The following CTNNA2 variants were observed in gnomAD, a reference collection of about 807,000 sequenced individuals.
CTNNA2 encodes catenin alpha 2.
A neutral mutation model predicts 101.0 loss-of-function variants in CTNNA2; 42 were observed. The ratio of observed to expected loss-of-function variants is 0.42; its 90% CI spans 0.32 to 0.54. CTNNA2 has a LOEUF of 0.54. Among genes scored for constraint, CTNNA2 ranks in the 20% least tolerant of loss-of-function variants. CTNNA2 has a pLI of 0.14. For missense variants in CTNNA2, 871 were observed against 1,223.1 expected (o/e 0.71, Z 4.29); for synonymous variants, 450 against 456.4 (o/e 0.99, Z 0.18).
intron 7 of CTNNA2, among the ~76,000 whole-genome samples, chr2:80,163,326 C>T (rs541612576): frequency 1.4e-4 from 22 of 152,156 alleles, no homozygotes; most frequent in Middle Eastern, 3.4e-3. Flanking sequence ...TGATATATTG[C>T]TGGGACAGGA....
chr2:79,191,653 C>T (rs965850087), intron 1 of CTNNA2, among the ~76,000 whole-genome samples: 4 of 152,130 alleles, frequency 2.6e-5, no homozygotes, highest in African/African-American at 9.7e-5. Flanking sequence ...GGAAGCACAG[C>T]CTCTGGTAGA....
intron 7 of CTNNA2, among the ~76,000 whole-genome samples, chr2:79,993,393 T>C (rs1029179739): frequency 2.6e-5 from 4 of 152,174 alleles, no homozygotes; most frequent in Admixed American, 2.6e-4. Flanking sequence ...GCCACAGCTC[T>C]TGGCACATCT....
chr2:79,516,194 T>A (rs1671798375), intron 1 of CTNNA2, among the ~76,000 whole-genome samples: 1 of 152,218 alleles, frequency 6.6e-6, no homozygotes, highest in African/African-American at 2.4e-5. Context: ...ATTCATGGGC[T>A]TGCTTTAAAG....
chr2:79,480,337 C>A (rs536956960), intron 4 of CTNNA2, among the ~76,000 whole-genome samples: 1 of 152,244 alleles, frequency 6.6e-6, no homozygotes, highest in Non-Finnish European at 1.5e-5. Flanking sequence ...AGGGGTCAAA[C>A]AAACCATAAA....
At chr2:79,783,873 G>T (rs576204264) in intron 3 of CTNNA2, among the ~76,000 whole-genome samples, 4 of 152,256 alleles carry the variant, frequency 2.6e-5, no homozygotes, top group African/African-American at 9.6e-5. Flanking sequence ...AAACTCTTGA[G>T]ATATATATGG....
chr2:79,727,909 A>G (rs1686955763), intron 2 of CTNNA2, among the ~76,000 whole-genome samples: 2 of 151,914 alleles, frequency 1.3e-5, no homozygotes, highest in South Asian at 4.2e-4. Flanking sequence ...ACATGAACTC[A>G]TCATTTTTTA....
chr2:80,263,567 C>T (rs963364011), intron 7 of CTNNA2, among the ~76,000 whole-genome samples: 4 of 152,188 alleles, frequency 2.6e-5, no homozygotes, highest in Admixed American at 1.3e-4. Flanking sequence ...AACTCCTAAC[C>T]TCAAGTGATC....
chr2:80,093,935 T>A (rs1319346058), intron 7 of CTNNA2, among the ~76,000 whole-genome samples: 3 of 151,946 alleles, frequency 2.0e-5, no homozygotes, highest in Admixed American at 6.6e-5. Context: ...GTTGCAAAAA[T>A]TTTCTCCCAT....
At chr2:79,497,882 C>T (rs1050546998) in intron 4 of CTNNA2, among the ~76,000 whole-genome samples, 1 of 152,272 alleles carries the variant, frequency 6.6e-6, no homozygotes, top group Middle Eastern at 3.4e-3. Flanking sequence ...AACCCGCTTC[C>T]AATTTCTTTG....
intron 1 of CTNNA2, among the ~76,000 whole-genome samples, chr2:79,611,429 AAGAG>A (rs1010285245): frequency 3.3e-5 from 5 of 152,156 alleles, no homozygotes; most frequent in Non-Finnish European, 5.9e-5. Context: ...TACAATGAAA[AAGAG>A]AGACACAGTT....
intron 7 of CTNNA2, among the ~76,000 whole-genome samples, chr2:80,036,212 G>A (rs1359788785): frequency 6.6e-6 from 1 of 152,172 alleles, no homozygotes; most frequent in Admixed American, 6.5e-5. Context: ...TGAAATTAAT[G>A]CAGACCCAGA....
intron 7 of CTNNA2, among the ~76,000 whole-genome samples, chr2:79,952,509 A>G (rs1688956533): frequency 6.6e-6 from 1 of 152,248 alleles, no homozygotes; most frequent in African/African-American, 2.4e-5. Flanking sequence ...ATTTCATGTC[A>G]TATAAATTAC....
chr2:80,552,326 G>A (rs1692635200), intron 11 of CTNNA2, among the ~76,000 whole-genome samples: 1 of 151,960 alleles, frequency 6.6e-6, no homozygotes, highest in African/African-American at 2.4e-5. Context: ...TTTGTATTTG[G>A]GGGGGAAGAA....
intron 7 of CTNNA2, among the ~76,000 whole-genome samples, chr2:79,933,971 G>A (rs17018149): frequency 0.2 from 30,253 of 152,152 alleles, 3,302 homozygotes; most frequent in East Asian, 0.27. Context: ...GAAGTTCCAT[G>A]AGGTAATAGA....
At chr2:80,032,875 G>A (rs992689746) in intron 7 of CTNNA2, among the ~76,000 whole-genome samples, 1 of 151,972 alleles carries the variant, frequency 6.6e-6, no homozygotes, top group Admixed American at 6.6e-5. Context: ...GATAACGACC[G>A]GGCGCAGTGG....
At position 80,302,096 on chromosome 2, in the gene CTNNA2, G is replaced by C; in HGVS notation, c.1057-91115G>C. The C allele has an allele frequency of 9.8e-7, 1 of 1,021,982 alleles. No individual in the cohort carries two copies. Among genetic ancestry groups the C allele is most frequent in the East Asian group, 2.7e-5 (1 of 37,658 alleles). 63.3% of individuals were successfully genotyped at this position (1,021,982 alleles called of 1,614,324 possible). On this transcript the variant is annotated intron_variant, in intron 7 of 18. Coordinates refer to ENST00000402739, the MANE Select transcript of CTNNA2 (RefSeq NM_001282597.3). This position sits in a 1 kb window ranked among gnomAD's most constrained non-coding sequence, Gnocchi z 6.4. ...GCTTTTGTTTTTAAGACACAATAAA[G>C]CTAAAATGTCAAGTCTCTGGGAGAG...
intron 9 of CTNNA2, among the ~76,000 whole-genome samples, chr2:80,429,748 G>A (rs1332131940): frequency 6.6e-6 from 1 of 152,154 alleles, no homozygotes; most frequent in African/African-American, 2.4e-5. Flanking sequence ...CTGATATTGG[G>A]CAGTGAACTA....
At chr2:79,590,585 T>C (rs2103977893) in intron 1 of CTNNA2, among the ~76,000 whole-genome samples, 1 of 152,320 alleles carries the variant, frequency 6.6e-6, no homozygotes, top group African/African-American at 2.4e-5. Flanking sequence ...GTACATATAG[T>C]CATATTTTAA....
chr2:80,071,877 G>C (rs1208049761), intron 7 of CTNNA2, among the ~76,000 whole-genome samples: 1 of 152,116 alleles, frequency 6.6e-6, no homozygotes, highest in African/African-American at 2.4e-5. Flanking sequence ...TCTCGGATTT[G>C]GGGAAAACTT....
Sources: gnomAD v4.1 joint callset for allele counts (sites outside exome capture counted in the v4.1 genomes callset) on GRCh38, gnomAD v4.1.1 for gene constraint, Gnocchi (gnomAD v3.1) non-coding constraint, MANE v1.5 for transcripts, NCBI Gene and HGNC (gene_info 2026-07-23, HGNC 2026-07-21) for gene names.